The following OARD1 variants were observed in gnomAD, a reference collection of about 807,000 sequenced individuals.
The protein encoded by OARD1 is O-acyl-ADP-ribose deacylase 1, also known as ADP-ribose glycohydrolase OARD1.
OARD1 carries 19 observed loss-of-function variants against 19.7 expected under a neutral mutation model. The ratio of observed to expected loss-of-function variants is 0.96; its 90% CI spans 0.67 to 1.41. OARD1 has a LOEUF of 1.41. OARD1 is among the 40% of genes most tolerant of loss of function. The pLI is 0.00. For synonymous variants in OARD1, 70 were observed against 61.8 expected (o/e 1.13, Z -0.62); for missense variants, 190 against 183.8 (o/e 1.03, Z -0.20).
intron 1 of OARD1, chr6:41,091,794 C>A: frequency 7.3e-7 from 1 of 1,364,750 alleles, no homozygotes; most frequent in African/African-American, 1.4e-5. Flanking sequence ...GGATTGAGAT[C>A]GATCCTTAAG....
chr6:41,086,475 A>G (rs1764046652), intron 1 of OARD1, among the ~76,000 whole-genome samples: 1 of 152,110 alleles, frequency 6.6e-6, no homozygotes, highest in South Asian at 2.1e-4. Context: ...GTGAGATTCC[A>G]TAGCCTCCCT....
chr6:41,089,647 G>A, intron 1 of OARD1: 1 of 1,612,722 alleles, frequency 6.2e-7, no homozygotes. Flanking sequence ...AGGGCCAGCA[G>A]GGCCAGACCC....
intron 1 of OARD1, among the ~76,000 whole-genome samples, chr6:41,087,724 A>G (rs1582030571): frequency 6.6e-6 from 1 of 152,202 alleles, no homozygotes; most frequent in East Asian, 1.9e-4. Flanking sequence ...CTTAAAAAAA[A>G]AAGTGTTCAC....
upstream of OARD1, among the ~76,000 whole-genome samples, chr6:41,077,236 G>A (rs926313136): frequency 4.3e-4 from 66 of 152,254 alleles, no homozygotes; most frequent in African/African-American, 1.6e-3. Flanking sequence ...TTTATTGAGA[G>A]ATACTTTAGA....
chr6:41,069,841 C>T (rs1582002127), intron 4 of OARD1: 2 of 576,956 alleles, frequency 3.5e-6, no homozygotes, highest in Non-Finnish European at 6.3e-6. Context: ...GTACATGATA[C>T]ACGACTTTCC....
intron 1 of OARD1, among the ~76,000 whole-genome samples, chr6:41,086,956 T>A (rs1764064936): frequency 1.3e-5 from 2 of 152,134 alleles, no homozygotes; most frequent in Admixed American, 1.3e-4. Flanking sequence ...AGGATATTTT[T>A]AAAAACAAAT....
chr6:41,093,151 T>G (rs1764239998), intron 1 of OARD1: 1 of 1,420,804 alleles, frequency 7.0e-7, no homozygotes, highest in South Asian at 1.3e-5. Flanking sequence ...GAAATTATCT[T>G]TTATATGGCT....
At chr6:41,094,382 A>G in intron 1 of OARD1, 1 of 1,612,524 alleles carries the variant, frequency 6.2e-7, no homozygotes, top group Non-Finnish European at 8.5e-7. Flanking sequence ...AAATGGTTTT[A>G]TTTCTCGTTT....
upstream of OARD1, chr6:41,072,676 A>G (rs1254736967): frequency 6.6e-6 from 1 of 152,468 alleles, no homozygotes; most frequent in African/African-American, 2.4e-5. Flanking sequence ...CCTAGTGGCC[A>G]CTTGGAAAGG....
At position 41,091,900 on chromosome 6, in the gene OARD1, T is replaced by C. The variant is rs548094463; in HGVS notation, c.-42+5813A>G. ...GCCAGGGACTATTCACCAGGGACTA[T>C]TCTAGATGCTGGAGATAAAGCAATG... On this transcript the variant is annotated intron_variant, in intron 1 of 4. Coordinates refer to the OARD1 transcript ENST00000480585. 2.0e-5 allele frequency among the ~76,000 whole-genome samples: 3 copies of C among 152,334 alleles called. No homozygotes were observed. The East Asian group carries it at 5.8e-4, about 29-fold the overall frequency.
At chr6:41,073,789 C>T (rs754628703), upstream of OARD1, among the ~76,000 whole-genome samples, 2 of 152,164 alleles carry the variant, frequency 1.3e-5, no homozygotes, top group African/African-American at 4.8e-5. Context: ...CGCCGCGCCC[C>T]TCCTCCCAGC....
rs888093045 is a variant in OARD1, at chr6:41,097,257, TAA to T, written c.-42+454_-42+455del. 45 of 1,077,680 alleles carry T rather than the reference TAA, an allele frequency of 4.2e-5. No homozygotes were observed. The Admixed American group carries it at 8.2e-4, about 20-fold the overall frequency. 66.8% of individuals were successfully genotyped at this position (1,077,680 alleles called of 1,614,324 possible). ...TATTACAAGCCTTTGATTTACTTGG[TAA>T]AGTTATGTGTATTCTCTTGGGGGGA... On this transcript the variant is annotated intron_variant, in intron 1 of 4. Transcript: ENST00000480585.
At chr6:41,080,835 C>T in intron 1 of OARD1, 1 of 1,613,800 alleles carries the variant, frequency 6.2e-7, no homozygotes. Flanking sequence ...CACTGCTGTG[C>T]AGTTGCAGAC....
At chr6:41,069,885 T>C in intron 4 of OARD1, 191 bp downstream of exon 4, 2 of 649,946 alleles carry the variant, frequency 3.1e-6, no homozygotes, top group East Asian at 2.9e-5. Flanking sequence ...CATTTCTTTC[T>C]AACCCAGTGC....
At position 41,091,752 on chromosome 6, in the gene OARD1, T is replaced by C. The variant is rs541690672; in HGVS notation, c.-42+5961A>G. ...AAATTTTCTTGAACATGCAACTTGA[T>C]GCCTCCTAAAATTTATTATGTTGAC... On this transcript the variant is annotated intron_variant, in intron 1 of 4. Coordinates refer to the OARD1 transcript ENST00000480585. 325 of 1,582,698 alleles carry C rather than the reference T, an allele frequency of 2.1e-4. 1 individual carries two copies. In the African/African-American group the frequency reaches 3.9e-3, roughly 19 times the overall value.
At chr6:41,084,908 C>T (rs982490874) in intron 1 of OARD1, among the ~76,000 whole-genome samples, 2 of 152,126 alleles carry the variant, frequency 1.3e-5, no homozygotes, top group Non-Finnish European at 2.9e-5. Context: ...TTGCAGTAAG[C>T]CAAGATTGTG....
chr6:41,079,241 C>T, intron 1 of OARD1: 1 of 1,348,774 alleles, frequency 7.4e-7, no homozygotes, highest in South Asian at 1.2e-5. Flanking sequence ...GGTCTATTGC[C>T]CTGGGGAATT....
At chr6:41,093,734 G>C (rs1356178055) in intron 1 of OARD1, among the ~76,000 whole-genome samples, 1 of 152,200 alleles carries the variant, frequency 6.6e-6, no homozygotes, top group Non-Finnish European at 1.5e-5. Flanking sequence ...GCCTCCCAAA[G>C]TGCCGGGATT....
At chr6:41,092,970 A>T in intron 1 of OARD1, 1 of 1,614,116 alleles carries the variant, frequency 6.2e-7, no homozygotes, top group Non-Finnish European at 8.5e-7. Context: ...CCTGGAGCAG[A>T]GATGCTTGAA....
Sources: allele counts gnomAD v4.1 joint callset (sites outside exome capture counted in the v4.1 genomes callset), GRCh38; gene constraint gnomAD v4.1.1; transcripts MANE v1.5; gene names NCBI Gene and HGNC (gene_info 2026-07-23, HGNC 2026-07-21).